Variants in APBB2 observed in about 807,000 individuals in gnomAD.
APBB2 encodes the protein Fe65-like 1.
A neutral mutation model predicts 82.5 loss-of-function variants in APBB2; 38 were observed. The ratio of observed to expected loss-of-function variants is 0.46; its 90% CI spans 0.36 to 0.60. The LOEUF is 0.60. APBB2 is among the 20% of genes least tolerant of loss of function. The pLI, the probability that APBB2 is intolerant of heterozygous loss-of-function variation, is 0.00. For synonymous variants in APBB2, 341 were observed against 368.2 expected, an observed-to-expected ratio of 0.93 and a Z score of 0.85; for missense variants, 772 against 972.3, an observed-to-expected ratio of 0.79 and a Z score of 2.74.
In APBB2 at chr4:41,111,361, T is replaced by C. The variant is rs147180007; in HGVS notation, c.-260-10611A>G. On this transcript the variant is annotated intron_variant, in intron 2 of 17. Coordinates refer to ENST00000508593, the MANE Select transcript of APBB2 (RefSeq NM_004307.2). The stretch of plus-strand genomic sequence containing the variant: ...TAATAGCAATCAATAAAAATTATGA[T>C]TCAGTATGTCTGTGGTGGAGCCCAA... 7.7e-3 allele frequency among the ~76,000 whole-genome samples: 1,176 copies of C among 152,340 alleles called. 17 individuals are homozygous for C. Among genetic ancestry groups the C allele is most frequent in the African/African-American group, 0.026 (1,099 of 41,574 alleles).
At chr4:40,982,221 G>GGAAAGAAAGGAAA (rs1798715166) in intron 6 of APBB2, among the ~76,000 whole-genome samples, 1 of 12,884 alleles carries the variant, frequency 7.8e-5, no homozygotes, top group Admixed American at 1.1e-3. Context: ...AGAAAAGAAA[G>GGAAAGAAAGGAAA]GAAAGAAAGA....
At chr4:40,918,105 A>G (rs1444751008) in intron 10 of APBB2, among the ~76,000 whole-genome samples, 1 of 152,238 alleles carries the variant, frequency 6.6e-6, no homozygotes, top group African/African-American at 2.4e-5. Flanking sequence ...AGAACACAAT[A>G]TTATGAATAT....
intron 2 of APBB2, among the ~76,000 whole-genome samples, chr4:41,105,209 GTA>G (rs896863816): frequency 1.3e-5 from 2 of 152,118 alleles, no homozygotes; most frequent in African/African-American, 4.8e-5. Context: ...ATGCATAGAT[GTA>G]TAGTCTATTT....
chr4:40,877,809 G>A (rs1185119532), intron 12 of APBB2, among the ~76,000 whole-genome samples: 1 of 152,154 alleles, frequency 6.6e-6, no homozygotes, highest in East Asian at 1.9e-4. Context: ...GGATCAGGGA[G>A]GTAGGAGCCA....
intron 5 of APBB2, among the ~76,000 whole-genome samples, chr4:41,017,511 T>C (rs1810336231): frequency 6.6e-6 from 1 of 152,168 alleles, no homozygotes; most frequent in Admixed American, 6.5e-5. Context: ...AGAGAAAGGC[T>C]CAAGACCTAT....
intron 12 of APBB2, among the ~76,000 whole-genome samples, chr4:40,884,946 T>C (rs887879057): frequency 6.6e-6 from 1 of 152,138 alleles, no homozygotes; most frequent in African/African-American, 2.4e-5. Flanking sequence ...ATTTGGAAAT[T>C]TATGAATAAT....
intron 1 of APBB2, chr4:41,208,031 C>T (rs1778394521): frequency 6.6e-6 from 1 of 152,134 alleles, no homozygotes; most frequent in African/African-American, 2.4e-5. Flanking sequence ...CAATAAATGA[C>T]CTGTGGGGCT....
intron 4 of APBB2, among the ~76,000 whole-genome samples, chr4:41,042,458 G>A (rs578024217): frequency 3.9e-5 from 6 of 152,312 alleles, no homozygotes; most frequent in Admixed American, 2.6e-4. Context: ...CCTCTACTCC[G>A]TAACCTTGCA....
At chr4:41,048,937 T>C (rs1579550725) in intron 4 of APBB2, among the ~76,000 whole-genome samples, 3 of 152,146 alleles carry the variant, frequency 2.0e-5, no homozygotes, top group South Asian at 4.1e-4. Flanking sequence ...GGTGCCGGGA[T>C]TGCAGACGGA....
chr4:40,860,239 G>A lies in APBB2; in HGVS notation c.1530-29662C>T, dbSNP rs6843290. The stretch of plus-strand genomic sequence containing the variant: ...TGACTGGGGTGTTTCTGTTTGCCTA[G>A]TGGCCTTGGGATACACTAGAGGGTC... On this transcript the variant is annotated intron_variant, in intron 12 of 17. Coordinates refer to ENST00000508593, the MANE Select transcript of APBB2 (RefSeq NM_004307.2). Among the ~76,000 whole-genome samples, 937 of 152,288 alleles carry A rather than the reference G, an allele frequency of 6.2e-3. 11 individuals carry two copies. Among genetic ancestry groups the A allele is most frequent in the African/African-American group, 0.022 (894 of 41,550 alleles).
At chr4:41,103,560 A>G (rs1746158258) in intron 2 of APBB2, among the ~76,000 whole-genome samples, 1 of 152,142 alleles carries the variant, frequency 6.6e-6, no homozygotes, top group East Asian at 1.9e-4. Flanking sequence ...AATGTTCTTA[A>G]GCAGTATTGA....
intron 5 of APBB2, among the ~76,000 whole-genome samples, chr4:41,022,557 G>A (rs1285629404): frequency 1.3e-5 from 2 of 152,200 alleles, no homozygotes; most frequent in East Asian, 3.9e-4. Flanking sequence ...TTGTCCCTCT[G>A]GAGTCTACTT....
At position 40,938,928 on chromosome 4, in the gene APBB2, T is replaced by C. The variant is rs549069182; in HGVS notation, c.1045-3789A>G. On this transcript the variant is annotated intron_variant, in intron 7 of 17. Transcript: ENST00000508593. The stretch of plus-strand genomic sequence containing the variant: ...CTTTAAGAGGCGCTGCCCTCATGAG[T>C]GGATTAATTCACCCATGGATTCATG... Among the ~76,000 whole-genome samples, 11 of 152,080 alleles carry C rather than the reference T, an allele frequency of 7.2e-5. No homozygotes were observed. In the East Asian group the frequency reaches 2.1e-3, roughly 30 times the overall value.
chr4:41,120,534 T>A (rs1177416991), intron 2 of APBB2, among the ~76,000 whole-genome samples: 1 of 152,198 alleles, frequency 6.6e-6, no homozygotes, highest in Non-Finnish European at 1.5e-5. Flanking sequence ...CTTAAAATAA[T>A]GTTTAAGTTT....
chr4:41,006,471 T>G (rs1204462907), intron 6 of APBB2, among the ~76,000 whole-genome samples: 1 of 152,180 alleles, frequency 6.6e-6, no homozygotes. Context: ...TTTTATTTTT[T>G]TATTTTTTTT....
chr4:40,923,930 G>A (rs1290725693), intron 10 of APBB2, among the ~76,000 whole-genome samples: 1 of 152,194 alleles, frequency 6.6e-6, no homozygotes. Flanking sequence ...GCAAATAAAG[G>A]GAGGAAAACA....
chr4:40,901,131 T>A (rs1296800156), intron 10 of APBB2, among the ~76,000 whole-genome samples: 1 of 152,160 alleles, frequency 6.6e-6, no homozygotes, highest in Non-Finnish European at 1.5e-5. Context: ...TTATTAGCAG[T>A]GTGACCCAGG....
intron 3 of APBB2, among the ~76,000 whole-genome samples, chr4:41,083,544 C>T (rs961228715): frequency 1.3e-5 from 2 of 151,688 alleles, no homozygotes; most frequent in East Asian, 1.9e-4. Context: ...AAAAATTAGC[C>T]GGGCACGGTA....
intron 1 of APBB2, among the ~76,000 whole-genome samples, chr4:41,146,634 T>G (rs2154024590): frequency 6.6e-6 from 1 of 152,336 alleles, no homozygotes; most frequent in East Asian, 1.9e-4. Context: ...TGAAACATTG[T>G]TTACTTCCAC....
Sources: allele counts gnomAD v4.1 joint callset (sites outside exome capture counted in the v4.1 genomes callset), GRCh38; gene constraint gnomAD v4.1.1; transcripts MANE v1.5; gene names NCBI Gene and HGNC (gene_info 2026-07-23, HGNC 2026-07-21).